Variants in PKDREJ observed in about 807,000 individuals in gnomAD.
PKDREJ encodes the protein PKD and REJ homolog.
For missense variants in PKDREJ, 2,507 were observed against 2,807.2 expected (o/e 0.89, Z 2.42); for synonymous variants, 1,031 against 1,095.5 (o/e 0.94, Z 1.16).
Position 46,258,965 on chromosome 22 carries a change from C to T in PKDREJ, c.4358G>A (p.Arg1453Lys). Residue 1453 changes from arginine to lysine, a missense_variant, in exon 1 of 1, where the codon AGG becomes AAG. Physicochemically the swap from Arg to Lys is conservative, Grantham distance 26. Coordinates refer to ENST00000253255, the MANE Select transcript of PKDREJ (RefSeq NM_006071.2). The surrounding 1 kb of genome is among the most constrained non-coding windows in gnomAD (Gnocchi z 6.1). ...LITFLFTCSQ[R>K]KPQADLKEVS... is the part of the protein sequence containing the mutation. ...CTCCTTTAGATCCGCTTGAGGTTTCCTCTGGGAACAGGTGAACAAAAAAGT... is the reference window on the plus strand; with the variant it reads ...CTCCTTTAGATCCGCTTGAGGTTTCTTCTGGGAACAGGTGAACAAAAAAGT... The T allele has an allele frequency of 6.2e-7, 1 of 1,614,156 alleles. No homozygotes were observed. Among genetic ancestry groups the T allele is most frequent in the Non-Finnish European group, 8.5e-7 (1 of 1,180,006 alleles).
In PKDREJ at chr22:46,259,059, TC is replaced by T. The variant is rs1456954614; in HGVS notation, c.4263del (p.Lys1422AsnfsTer3). ...CCTATCATCATTGATCTCATGTATT[TC>T]CTCTCTCTTGACTCAGTTTGTTCTT... ...NRQEQTESRERKYMRSMMIGI... is the reference protein window; with the variant it reads ...NRQEQTESREXKYMRSMMIGI... On this transcript the variant is annotated frameshift_variant, in exon 1 of 1. Transcript: ENST00000253255. LOFTEE classifies it low-confidence loss of function (END_TRUNC). This position sits in a 1 kb window ranked among gnomAD's most constrained non-coding sequence, Gnocchi z 6.8. 6.2e-7 allele frequency: 1 copy of T among 1,613,830 alleles called. No individual in the cohort carries two copies. Among genetic ancestry groups the T allele is most frequent in the South Asian group, 1.1e-5 (1 of 91,036 alleles).
rs144736781 is a variant in PKDREJ, at chr22:46,260,916, T to C, written c.2407A>G (p.Ile803Val). Residue 803 changes from isoleucine (I) to valine (V), a missense_variant, in exon 1 of 1, where the codon ATA becomes GTA. By Grantham distance (29) the Ile-to-Val change is conservative (BLOSUM62 3). Transcript: ENST00000253255. The surrounding 1 kb of genome is among the most constrained non-coding windows in gnomAD (Gnocchi z 4.5). ...QKDKRFRSEQIEIVSTGILMS... is the reference protein window; with the variant it reads ...QKDKRFRSEQVEIVSTGILMS... ...AGTATTCCAGTACTCACGATTTCTA[T>C]TTGTTCAGATCGAAAGCGTTTATCT... 2.7e-4 allele frequency: 440 copies of C among 1,614,064 alleles called. 1 individual carries two copies. The highest frequency in any genetic ancestry group is 3.2e-4 in the Non-Finnish European group (373 of 1,180,004).
In PKDREJ at chr22:46,257,460, C is replaced by T. The variant is rs777798482; in HGVS notation, c.5863G>A (p.Ala1955Thr). The T allele has an allele frequency of 2.4e-5, 38 of 1,613,720 alleles. No individual in the cohort carries two copies. Among genetic ancestry groups the T allele is most frequent in the Admixed American group, 1.3e-4 (8 of 59,966 alleles). Residue 1955 changes from alanine to threonine, a missense_variant, in exon 1 of 1, where the codon GCT becomes ACT. Ala to Thr is a moderately conservative substitution (Grantham distance 58). Coordinates refer to ENST00000253255, the MANE Select transcript of PKDREJ (RefSeq NM_006071.2). The surrounding 1 kb of genome is among the most constrained non-coding windows in gnomAD (Gnocchi z 4.7). ...TSISLHSFSL[A>T]DFDRKASAEI... is the part of the protein sequence containing the mutation. Reference sequence around the variant, plus strand: ...GCTGAAGCTTTTCTGTCAAAATCAGCAAGTGAAAAAGAGTGCAGAGATATG... The same window carrying T: ...GCTGAAGCTTTTCTGTCAAAATCAGTAAGTGAAAAAGAGTGCAGAGATATG...
chr22:46,256,488 C>T lies in PKDREJ; in HGVS notation c.*73G>A, dbSNP rs563322539. 4.7e-5 allele frequency: 72 copies of T among 1,540,754 alleles called. No individual in the cohort carries two copies. In the South Asian group the frequency reaches 8.4e-4, roughly 18 times the overall value. On this transcript the variant is annotated 3_prime_UTR_variant, in exon 1 of 1. Transcript: ENST00000253255. This position sits in a 1 kb window ranked among gnomAD's most constrained non-coding sequence, Gnocchi z 5.3. ...AAAGCATGACTAGGCCACTGACACT[C>T]CCTAATCCCCTTAATCCCACAGACT...
In PKDREJ at chr22:46,257,169, T is replaced by G; in HGVS notation, c.6154A>C (p.Ile2052Leu). 1 of 1,613,894 alleles carries G rather than the reference T, an allele frequency of 6.2e-7. No homozygotes were observed. The highest frequency in any genetic ancestry group is 8.5e-7 in the Non-Finnish European group (1 of 1,179,996). ...AVSQVDHIMR[I>L]ILGFLLFLTI... The stretch of plus-strand genomic sequence containing the variant: ...AGAAATAACAGGAAACCCAAAATTA[T>G]CCTCATAATGTGATCTACCTGAGAA... Residue 2052 changes from isoleucine to leucine, a missense_variant, in exon 1 of 1, where the codon ATA (isoleucine) becomes CTA (leucine). Ile to Leu is a conservative substitution (Grantham distance 5, BLOSUM62 2). Coordinates refer to ENST00000253255, the MANE Select transcript of PKDREJ (RefSeq NM_006071.2). This position sits in a 1 kb window ranked among gnomAD's most constrained non-coding sequence, Gnocchi z 4.7.
rs1355329423 is a variant in PKDREJ at position 46,260,291 on chromosome 22, A to G, written c.3032T>C (p.Val1011Ala). The G allele has an allele frequency of 4.3e-6, 7 of 1,614,048 alleles. No individual in the cohort carries two copies. The highest frequency in any genetic ancestry group is 1.7e-5 in the Admixed American group (1 of 60,008). ...IVTEVMVLFT[V>A]LVYTGSQITP... ...GATCTGACTGCCTGTGTACACCAACACTGTGAACAGCACCATCACTTCTGT... is the reference window on the plus strand; with the variant it reads ...GATCTGACTGCCTGTGTACACCAACGCTGTGAACAGCACCATCACTTCTGT... The change falls in exon 1 of 1, where the codon GTG becomes GCG. Residue 1011 changes from valine (V) to alanine (A), a missense_variant. Physicochemically the swap from Val to Ala is moderately conservative, Grantham distance 64. Transcript: ENST00000253255. The surrounding 1 kb of genome is among the most constrained non-coding windows in gnomAD (Gnocchi z 4.5).
Position 46,259,350 on chromosome 22 carries a change from A to G in PKDREJ, c.3973T>C (p.Trp1325Arg). 1 of 1,614,230 alleles carries G rather than the reference A, an allele frequency of 6.2e-7. No individual in the cohort carries two copies. The highest frequency in any genetic ancestry group is 8.5e-7 in the Non-Finnish European group (1 of 1,180,036). The change falls in exon 1 of 1, where the codon TGG becomes CGG. Residue 1325 changes from tryptophan to arginine, a missense_variant. Transcript: ENST00000253255. The surrounding 1 kb of genome is among the most constrained non-coding windows in gnomAD (Gnocchi z 6.8). ...KVENLFSRHI[W>R]LFICQKWLSV... ...AGCCATTTCTGGCATATGAACAGCC[A>G]AATGTGCCTGCTAAACAGATTTTCC...
rs768198057 is a variant in PKDREJ at position 46,259,623 on chromosome 22, C to A, written c.3700G>T (p.Val1234Leu). The A allele has an allele frequency of 3.7e-6, 6 of 1,614,188 alleles. No homozygotes were observed. The highest frequency in any genetic ancestry group is 4.2e-6 in the Non-Finnish European group (5 of 1,180,028). ...CAACGACTTCCTGTAAAAATAGTCACCAAGTAGCATAAATTATCATAAGGA... is the reference window on the plus strand; with the variant it reads ...CAACGACTTCCTGTAAAAATAGTCAACAAGTAGCATAAATTATCATAAGGA... ...NDPYDNLCYL[V>L]TIFTGSRWGS... The change falls in exon 1 of 1, where the codon GTG becomes TTG. Residue 1234 changes from valine (V) to leucine (L), a missense_variant. Physicochemically the swap from Val to Leu is conservative, Grantham distance 32. Coordinates refer to ENST00000253255, the MANE Select transcript of PKDREJ (RefSeq NM_006071.2). The surrounding 1 kb of genome is among the most constrained non-coding windows in gnomAD (Gnocchi z 6.8).
Position 46,255,883 on chromosome 22 carries a change from A to G in PKDREJ, c.*678T>C, listed in dbSNP as rs1936626686. 6.6e-6 allele frequency: 1 copy of G among 152,322 alleles called. No individual in the cohort carries two copies. 9.4% of individuals were successfully genotyped at this position (152,322 alleles called of 1,614,324 possible). A position where few individuals can be genotyped will look rare whatever the true frequency, so the allele number is the denominator to read the frequency against. On this transcript the variant is annotated 3_prime_UTR_variant, in exon 1 of 1. Coordinates refer to ENST00000253255, the MANE Select transcript of PKDREJ (RefSeq NM_006071.2). ...ATATTCAGCATATAGACATATTTCAATGTGAACCCATATGTACCTTTTTGT... is the reference window on the plus strand; with the variant it reads ...ATATTCAGCATATAGACATATTTCAGTGTGAACCCATATGTACCTTTTTGT...
Position 46,258,372 on chromosome 22 carries a change from T to C in PKDREJ, c.4951A>G (p.Thr1651Ala). ...CTGATCTCAGTATATTTATACTTGG[T>C]TGACCATGAAAGGTTTTTGCAATAC... ...PKYCKNLSWS[T>A]KYKYTEIRLD... The change falls in exon 1 of 1, where the codon ACC (threonine) becomes GCC (alanine). Residue 1651 changes from threonine to alanine, a missense_variant. Transcript: ENST00000253255. The surrounding 1 kb of genome is among the most constrained non-coding windows in gnomAD (Gnocchi z 6.1). 1 of 1,614,194 alleles carries C rather than the reference T, an allele frequency of 6.2e-7. No individual in the cohort carries two copies. Among genetic ancestry groups the C allele is most frequent in the Non-Finnish European group, 8.5e-7 (1 of 1,180,046 alleles).
In PKDREJ at chr22:46,258,249, CT is replaced by C; in HGVS notation, c.5073del (p.Asp1692MetfsTer20). 6.2e-7 allele frequency: 1 copy of C among 1,614,156 alleles called. No individual in the cohort carries two copies. The highest frequency in any genetic ancestry group is 8.5e-7 in the Non-Finnish European group (1 of 1,180,008). The stretch of plus-strand genomic sequence containing the variant: ...TTTCTTTTGAATATTCTGATTTCAT[CT>C]TCTGTAAGGGGTTGGTACATCCTCG... The part of the protein sequence containing the change: ...RGTRMYQPLT[E>X]DEIRIFKRKK... On this transcript the variant is annotated frameshift_variant, in exon 1 of 1. Coordinates refer to ENST00000253255, the MANE Select transcript of PKDREJ (RefSeq NM_006071.2). LOFTEE classifies it low-confidence loss of function (END_TRUNC). The surrounding 1 kb of genome is among the most constrained non-coding windows in gnomAD (Gnocchi z 6.1).
rs373485744 is a variant in PKDREJ at position 46,259,650 on chromosome 22, C to T, written c.3673G>A (p.Asp1225Asn). ...AAGTAGCATAAATTATCATAAGGAT[C>T]ATTATCTGGTAGAACTATCACATGC... is the stretch of plus-strand genomic sequence containing the variant. ...RGHVIVLPDN[D>N]PYDNLCYLVT... The change falls in exon 1 of 1, where the codon GAT (aspartate) becomes AAT (asparagine). Residue 1225 changes from aspartate to asparagine, a missense_variant. By Grantham distance (23) the Asp-to-Asn change is conservative (BLOSUM62 1). Coordinates refer to ENST00000253255, the MANE Select transcript of PKDREJ (RefSeq NM_006071.2). This position sits in a 1 kb window ranked among gnomAD's most constrained non-coding sequence, Gnocchi z 6.8. The T allele has an allele frequency of 1.8e-5, 29 of 1,614,050 alleles. 1 individual carries two copies. In the South Asian group the frequency reaches 2.6e-4, roughly 15 times the overall value.
chr22:46,263,247 C>T lies in PKDREJ; in HGVS notation c.76G>A (p.Val26Ile), dbSNP rs1056278239. The change falls in exon 1 of 1, where the codon GTT (valine) becomes ATT (isoleucine). Residue 26 changes from valine to isoleucine, a missense_variant. Transcript: ENST00000253255. The surrounding 1 kb of genome is among the most constrained non-coding windows in gnomAD (Gnocchi z 9.4). ...ACGGCGGCTTGTGCCCCGCGAGGAA[C>T]CGGCGGCAGCGGGAGGCGGCCGACG... ...LSVGRLPLPP[V>I]PRGAQAAVSG... The T allele has an allele frequency of 1.4e-6, 2 of 1,465,994 alleles. No homozygotes were observed. The highest frequency in any genetic ancestry group is 1.5e-5 in the African/African-American group (1 of 67,500). 90.8% of individuals were successfully genotyped at this position (1,465,994 alleles called of 1,614,324 possible).
Position 46,258,080 on chromosome 22 carries a change from G to C in PKDREJ, c.5243C>G (p.Ser1748Cys), listed in dbSNP as rs150286924. 1.4e-4 allele frequency: 228 copies of C among 1,613,972 alleles called. 1 individual carries two copies. The highest frequency in any genetic ancestry group is 1.8e-4 in the Non-Finnish European group (216 of 1,180,038). The change falls in exon 1 of 1, where the codon TCT (serine) becomes TGT (cysteine). Residue 1748 changes from serine (S) to cysteine (C), a missense_variant. Physicochemically the swap from Ser to Cys is moderately radical, Grantham distance 112 (BLOSUM62 -1). Coordinates refer to ENST00000253255, the MANE Select transcript of PKDREJ (RefSeq NM_006071.2). The surrounding 1 kb of genome is among the most constrained non-coding windows in gnomAD (Gnocchi z 6.1). The stretch of plus-strand genomic sequence containing the variant: ...CTTAGTCACAGTAGCAAGATCCATA[G>C]AGAACCGATCACGAATAAACTGGTT... ...YYNQFIRDRFSMDLATVTKLE... is the reference protein window; with the variant it reads ...YYNQFIRDRFCMDLATVTKLE...
In PKDREJ at chr22:46,256,292, A is replaced by T. The variant is rs990580172; in HGVS notation, c.*269T>A. On this transcript the variant is annotated 3_prime_UTR_variant, in exon 1 of 1. Transcript: ENST00000253255. This position sits in a 1 kb window ranked among gnomAD's most constrained non-coding sequence, Gnocchi z 5.3. ...GAAACAGGGTTGCCCTTGTACGGGG[A>T]GTCACATAACTCCCCTCTAAAGGGA... The T allele has an allele frequency of 1.3e-5, 6 of 453,816 alleles. No homozygotes were observed. Among genetic ancestry groups the T allele is most frequent in the African/African-American group, 1.2e-4 (6 of 50,390 alleles). 28.1% of individuals were successfully genotyped at this position (453,816 alleles called of 1,614,324 possible). A position where few individuals can be genotyped will look rare whatever the true frequency, so the allele number is the denominator to read the frequency against.
Position 46,257,032 on chromosome 22 carries a change from G to A in PKDREJ, c.6291C>T (p.Ser2097=), listed in dbSNP as rs6008365. 0.16 allele frequency: 256,712 copies of A among 1,613,422 alleles called. 28,665 individuals carry two copies. The highest frequency in any genetic ancestry group is 0.58 in the African/African-American group (43,791 of 74,978). Residue 2097 remains serine (S), a synonymous_variant, in exon 1 of 1, where the codon TCC becomes TCT. Coordinates refer to ENST00000253255, the MANE Select transcript of PKDREJ (RefSeq NM_006071.2). The surrounding 1 kb of genome is among the most constrained non-coding windows in gnomAD (Gnocchi z 4.7). ...PGICHMAFVV[S]VYFFVYMAFG... ...AAGCCATGTATACGAAGAAATACAC[G>A]GACACAACAAATGCCATGTGGCAGA...
In PKDREJ at chr22:46,258,770, T is replaced by C; in HGVS notation, c.4553A>G (p.Lys1518Arg). The C allele has an allele frequency of 6.2e-7, 1 of 1,614,202 alleles. No homozygotes were observed. Among genetic ancestry groups the C allele is most frequent in the African/African-American group, 1.3e-5 (1 of 75,054 alleles). Residue 1518 changes from lysine (K) to arginine (R), a missense_variant, in exon 1 of 1, where the codon AAA becomes AGA. Coordinates refer to ENST00000253255, the MANE Select transcript of PKDREJ (RefSeq NM_006071.2). This position sits in a 1 kb window ranked among gnomAD's most constrained non-coding sequence, Gnocchi z 6.1. The stretch of plus-strand genomic sequence containing the variant: ...TGCTTTCCTATGCCTGTGCTTGGGT[T>C]TGGAGGTTGCCTTAGGAGAAGCCTT... ...LPKASPKATS[K>R]PKHRHRKAQI...
rs1360966204 is a variant in PKDREJ at position 46,259,421 on chromosome 22, T to C, written c.3902A>G (p.Asn1301Ser). 1.2e-6 allele frequency: 2 copies of C among 1,614,242 alleles called. No individual in the cohort carries two copies. Among genetic ancestry groups the C allele is most frequent in the Admixed American group, 3.3e-5 (2 of 60,030 alleles). The change falls in exon 1 of 1, where the codon AAC becomes AGC. Residue 1301 changes from asparagine to serine, a missense_variant. Coordinates refer to ENST00000253255, the MANE Select transcript of PKDREJ (RefSeq NM_006071.2). This position sits in a 1 kb window ranked among gnomAD's most constrained non-coding sequence, Gnocchi z 6.8. ...CCAGCTAGGCGATCGACCCTCGTTG[T>C]TGTGCCACACACGGATGGAATGGAT... ...GDIHSIRVWH[N>S]NEGRSPSWYL...
chr22:46,258,343 C>T lies in PKDREJ; in HGVS notation c.4980G>A (p.Leu1660=). The T allele has an allele frequency of 1.9e-6, 3 of 1,614,166 alleles. No homozygotes were observed. The highest frequency in any genetic ancestry group is 2.5e-6 in the Non-Finnish European group (3 of 1,180,034). ...CTTCTGGATGCATACGCATTCCATCCAACCTGATCTCAGTATATTTATACT... is the reference window on the plus strand; with the variant it reads ...CTTCTGGATGCATACGCATTCCATCTAACCTGATCTCAGTATATTTATACT... The part of the protein sequence containing the change: ...STKYKYTEIR[L]DGMRMHPEEM... Residue 1660 remains leucine (L), a synonymous_variant, in exon 1 of 1, where the codon TTG becomes TTA. Coordinates refer to ENST00000253255, the MANE Select transcript of PKDREJ (RefSeq NM_006071.2). The surrounding 1 kb of genome is among the most constrained non-coding windows in gnomAD (Gnocchi z 6.1).
Sources: gnomAD v4.1 joint callset for allele counts on GRCh38, gnomAD v4.1.1 for gene constraint, Gnocchi (gnomAD v3.1) non-coding constraint, MANE v1.5 for transcripts, NCBI Gene and HGNC (gene_info 2026-07-23, HGNC 2026-07-21) for gene names.